KCNAB1: variants seen among roughly 807,000 people sequenced by gnomAD.
KCNAB1 encodes voltage-gated potassium channel subunit beta-1.
In KCNAB1, 35 loss-of-function variants were observed where a neutral mutation model predicts 64.6. That is an observed-to-expected ratio of 0.54 (90% CI 0.41 to 0.72). KCNAB1 has a LOEUF of 0.72. Ranked by LOEUF, KCNAB1 falls within the 30% of genes least tolerant of loss-of-function variation. The pLI, the probability that KCNAB1 is intolerant of heterozygous loss-of-function variation, is 0.00. For synonymous variants in KCNAB1, 177 were observed against 183.8 expected (o/e 0.96, Z 0.30); for missense variants, 401 against 512.9 (o/e 0.78, Z 2.11).
At chr3:156,333,941 G>A (rs751558619) in intron 1 of KCNAB1, among the ~76,000 whole-genome samples, 1 of 131,084 alleles carries the variant, frequency 7.6e-6, no homozygotes, top group Non-Finnish European at 1.5e-5. Context: ...ATGTGTTTGC[G>A]CTCTTTATAA....
intron 2 of KCNAB1, among the ~76,000 whole-genome samples, chr3:156,425,508 T>C (rs1205910076): frequency 6.6e-6 from 1 of 152,120 alleles, no homozygotes; most frequent in African/African-American, 2.4e-5. Context: ...GTTCTGTAAA[T>C]ATACTGCCCA....
intron 8 of KCNAB1, among the ~76,000 whole-genome samples, chr3:156,504,567 ATTTTT>A (rs577455990): frequency 6.7e-6 from 1 of 150,008 alleles, no homozygotes; most frequent in Non-Finnish European, 1.5e-5. Context: ...TCTTGCCAGC[ATTTTT>A]TTTTGTCTTT....
At chr3:156,297,259 C>CTTTTT (rs71141704) in intron 1 of KCNAB1, among the ~76,000 whole-genome samples, 1 of 96,470 alleles carries the variant, frequency 1.0e-5, no homozygotes, top group Non-Finnish European at 2.3e-5. Context: ...TTGAGGTTGG[C>CTTTTT]TTTTTTTTTT....
intron 11 of KCNAB1, 80 bp downstream of exon 11, chr3:156,516,444 C>T: frequency 1.0e-6 from 1 of 1,004,766 alleles, no homozygotes; most frequent in Non-Finnish European, 1.6e-6. Context: ...CTGCAGCAGC[C>T]TAGGGCTTCC....
intron 1 of KCNAB1, among the ~76,000 whole-genome samples, chr3:156,153,177 A>AG (rs1325354578): frequency 1.3e-5 from 2 of 152,210 alleles, no homozygotes; most frequent in African/African-American, 4.8e-5. Context: ...TATCAGTCAC[A>AG]GGGCACCACT....
intron 1 of KCNAB1, among the ~76,000 whole-genome samples, chr3:156,125,789 T>A (rs923428907): frequency 1.3e-5 from 2 of 152,094 alleles, no homozygotes; most frequent in African/African-American, 4.8e-5. Context: ...TCCAGGTGAG[T>A]TTGGTAGACT....
chr3:156,155,429 G>A (rs1715659535), intron 1 of KCNAB1, among the ~76,000 whole-genome samples: 2 of 152,156 alleles, frequency 1.3e-5, no homozygotes, highest in Admixed American at 1.3e-4. Context: ...ATTCTCTGGA[G>A]AAACACAAAG....
intron 1 of KCNAB1, among the ~76,000 whole-genome samples, chr3:156,383,010 A>G (rs1312367438): frequency 1.3e-5 from 2 of 152,186 alleles, no homozygotes; most frequent in Non-Finnish European, 2.9e-5. Flanking sequence ...GGTGCTTTCT[A>G]CGTCTGAACT....
At chr3:156,398,000 C>T (rs1713590050) in intron 1 of KCNAB1, among the ~76,000 whole-genome samples, 1 of 152,114 alleles carries the variant, frequency 6.6e-6, no homozygotes, top group Non-Finnish European at 1.5e-5. Flanking sequence ...CAGGCACCTC[C>T]AATGAACAAA....
chr3:156,262,807 G>A (rs1718501519), intron 1 of KCNAB1, among the ~76,000 whole-genome samples: 1 of 151,758 alleles, frequency 6.6e-6, no homozygotes, highest in South Asian at 2.1e-4. Context: ...GCTTTTCTTT[G>A]TGGAAATATT....
chr3:156,363,926 AC>A (rs1269764298), intron 1 of KCNAB1, among the ~76,000 whole-genome samples: 2 of 152,180 alleles, frequency 1.3e-5, no homozygotes, highest in Non-Finnish European at 2.9e-5. Flanking sequence ...TACCATTTCC[AC>A]TGTAGCCACT....
intron 1 of KCNAB1, among the ~76,000 whole-genome samples, chr3:156,248,720 T>C (rs891284424): frequency 6.6e-6 from 1 of 152,162 alleles, no homozygotes; most frequent in Non-Finnish European, 1.5e-5. Flanking sequence ...AGAAACAGGA[T>C]TTGTACAGTT....
intron 1 of KCNAB1, among the ~76,000 whole-genome samples, chr3:156,237,501 T>C (rs1716915949): frequency 6.6e-6 from 1 of 152,180 alleles, no homozygotes; most frequent in African/African-American, 2.4e-5. Flanking sequence ...ATAGCCCTCT[T>C]GCTTTTGAAT....
At chr3:156,503,507 G>A (rs1452207435) in intron 8 of KCNAB1, among the ~76,000 whole-genome samples, 2 of 152,344 alleles carry the variant, frequency 1.3e-5, no homozygotes, top group East Asian at 3.9e-4. Flanking sequence ...TGTAGGGAGA[G>A]TTGTACAAGG....
intron 1 of KCNAB1, among the ~76,000 whole-genome samples, chr3:156,241,418 A>C (rs1348481884): frequency 6.6e-6 from 1 of 152,130 alleles, no homozygotes; most frequent in African/African-American, 2.4e-5. Flanking sequence ...TATGGACTGT[A>C]TGCACTCAAG....
chr3:156,411,822 C>A (rs968484556), intron 1 of KCNAB1, among the ~76,000 whole-genome samples: 3 of 152,112 alleles, frequency 2.0e-5, no homozygotes, highest in African/African-American at 7.2e-5. Context: ...AGTATGAGTC[C>A]TCCAGCTTTA....
chr3:156,397,083 C>T (rs1394841923), intron 1 of KCNAB1, among the ~76,000 whole-genome samples: 1 of 152,170 alleles, frequency 6.6e-6, no homozygotes, highest in Non-Finnish European at 1.5e-5. Context: ...ACTTGGCTAC[C>T]AGAAACTGCA....
chr3:156,140,595 G>A (rs560531786), intron 1 of KCNAB1, among the ~76,000 whole-genome samples: 91 of 152,226 alleles, frequency 6.0e-4, no homozygotes, highest in African/African-American at 2.0e-3. Flanking sequence ...CATCACACTG[G>A]GGGTTAAGAT....
intron 2 of KCNAB1, among the ~76,000 whole-genome samples, chr3:156,440,203 T>G (rs1332299926): frequency 6.6e-6 from 1 of 152,244 alleles, no homozygotes. Flanking sequence ...AAGGCTTGCC[T>G]TGTGTATTTG....
Sources: gnomAD v4.1 joint callset for allele counts (sites outside exome capture counted in the v4.1 genomes callset) on GRCh38, gnomAD v4.1.1 for gene constraint, MANE v1.5 for transcripts, NCBI Gene and HGNC (gene_info 2026-07-23, HGNC 2026-07-21) for gene names.